BIRC6: variants seen among roughly 807,000 people sequenced by gnomAD.
BIRC6 encodes the protein dual E2 ubiquitin-conjugating enzyme/E3 ubiquitin-protein ligase BIRC6.
In BIRC6, 98 loss-of-function variants were observed where a neutral mutation model predicts 503.3. The ratio of observed to expected loss-of-function variants is 0.19; its 90% CI spans 0.17 to 0.23. The LOEUF is 0.23. Ranked by LOEUF, BIRC6 falls within the 10% of genes least tolerant of loss-of-function variation. The pLI is 1.00. For synonymous variants in BIRC6, 2,240 were observed against 2,078.7 expected (o/e 1.08, Z -2.11); for missense variants, 5,360 against 5,806.0 (o/e 0.92, Z 2.50).
chr2:32,500,768 G>A (rs544752872), intron 46 of BIRC6, among the ~76,000 whole-genome samples: 47 of 152,044 alleles, frequency 3.1e-4, no homozygotes, highest in Admixed American at 9.8e-4. Flanking sequence ...ACCAGGCCTG[G>A]CTGATTTTTT....
intron 66 of BIRC6, among the ~76,000 whole-genome samples, chr2:32,592,842 G>A (rs989357337): frequency 1.3e-5 from 2 of 151,976 alleles, no homozygotes; most frequent in Non-Finnish European, 1.5e-5. Flanking sequence ...TGTTCCACCC[G>A]CCTCAGCCTC....
intron 40 of BIRC6, among the ~76,000 whole-genome samples, 158 bp from the exon 41 acceptor site, chr2:32,487,487 TAA>T (rs1302639193): frequency 6.6e-6 from 1 of 152,230 alleles, no homozygotes; most frequent in East Asian, 1.9e-4. Context: ...AGTAATGTTA[TAA>T]AAACACGTTT....
In BIRC6 at chr2:32,525,993, TG is replaced by T. The variant is rs545459192; in HGVS notation, c.11920+367del. On this transcript the variant is annotated intron_variant, in intron 59 of 73. Coordinates refer to ENST00000421745, the MANE Select transcript of BIRC6 (RefSeq NM_016252.4). ...TCAAGCAGTAGAACTCTTAGACCACTGGTAGTTAAGCCATATGTTCTTCCCA... is the reference window on the plus strand; with the variant it reads ...TCAAGCAGTAGAACTCTTAGACCACTGTAGTTAAGCCATATGTTCTTCCCA... Among the ~76,000 whole-genome samples the T allele has an allele frequency of 3.9e-5, 6 of 152,166 alleles. No individual in the cohort carries two copies. The South Asian group carries it at 1.2e-3, about 32-fold the overall frequency.
In BIRC6 at chr2:32,509,981, C is replaced by T. The variant is rs1159520696; in HGVS notation, c.10224C>T (p.Gly3408=). 3.7e-6 allele frequency: 6 copies of T among 1,613,718 alleles called. No homozygotes were observed. The highest frequency in any genetic ancestry group is 5.1e-6 in the Non-Finnish European group (6 of 1,179,846). ...TCCTGAGAAATTGTGCAGCATCAGG[C>T]AGTGATCCTACAGGTGATAATTAAC... The part of the protein sequence containing the change: ...DILLRNCAAS[G]SDPTDLNSPL... Residue 3408 remains glycine (G), a synonymous_variant, in exon 52 of 74, where the codon GGC becomes GGT. Coordinates refer to ENST00000421745, the MANE Select transcript of BIRC6 (RefSeq NM_016252.4).
chr2:32,599,983 A>G, intron 70 of BIRC6, 83 bp downstream of exon 70: 3 of 1,346,256 alleles, frequency 2.2e-6, no homozygotes, highest in Non-Finnish European at 2.0e-6. Flanking sequence ...ATTTTGTTTT[A>G]GTTATCTGCT....
chr2:32,568,879 T>G (rs2059725378), intron 65 of BIRC6, among the ~76,000 whole-genome samples: 1 of 151,072 alleles, frequency 6.6e-6, no homozygotes, highest in Admixed American at 6.6e-5. Flanking sequence ...TTGCACATAG[T>G]GTGAAGTCTG....
chr2:32,572,975 A>G (rs867838748), intron 65 of BIRC6, among the ~76,000 whole-genome samples: 42 of 152,258 alleles, frequency 2.8e-4, no homozygotes, highest in African/African-American at 9.9e-4. Context: ...TAATCCCCAT[A>G]TAGCTCTGTG....
chr2:32,439,058 G>C (rs2045087295), intron 15 of BIRC6, among the ~76,000 whole-genome samples: 3 of 152,090 alleles, frequency 2.0e-5, no homozygotes, highest in Non-Finnish European at 4.4e-5. Flanking sequence ...TTAACCGTCA[G>C]TACTATAATG....
At chr2:32,580,645 A>T (rs1276740136) in intron 66 of BIRC6, among the ~76,000 whole-genome samples, 3 of 152,180 alleles carry the variant, frequency 2.0e-5, no homozygotes, top group Admixed American at 2.0e-4. Flanking sequence ...TTATAGAAAG[A>T]TGGTCTTCAG....
chr2:32,392,924 A>G lies in BIRC6; in HGVS notation c.951+774A>G, dbSNP rs546362793. Among the ~76,000 whole-genome samples, 14 of 152,186 alleles carry G rather than the reference A, an allele frequency of 9.2e-5. No individual in the cohort carries two copies. In the South Asian group the frequency reaches 1.9e-3, roughly 20 times the overall value. On this transcript the variant is annotated intron_variant, in intron 5 of 73. Coordinates refer to ENST00000421745, the MANE Select transcript of BIRC6 (RefSeq NM_016252.4). ...CCAAAGTGTTGGGATTATAAGTGTG[A>G]GACACTGTGCTAGGCCATAATTTTT...
rs753875021 is a variant in BIRC6 at position 32,599,906 on chromosome 2, T to C, written c.13992+6T>C. On this transcript the variant is annotated splice_donor_region_variant and intron_variant, in intron 70 of 73. Coordinates refer to ENST00000421745, the MANE Select transcript of BIRC6 (RefSeq NM_016252.4). ...ACCTTTATAATGATGGCAAGGTAAA[T>C]TAATTGCAATTTTTTGTTTCAAATG... The C allele has an allele frequency of 6.2e-7, 1 of 1,608,644 alleles. No homozygotes were observed. The highest frequency in any genetic ancestry group is 8.5e-7 in the Non-Finnish European group (1 of 1,177,444).
Position 32,438,403 on chromosome 2 carries a change from G to C in BIRC6, c.3632-1105G>C, listed in dbSNP as rs548666912. Among the ~76,000 whole-genome samples the C allele has an allele frequency of 1.6e-3, 238 of 152,234 alleles. 4 individuals are homozygous for C. Among genetic ancestry groups the C allele is most frequent in the Middle Eastern group, 0.014 (4 of 294 alleles). ...AGTGATAGCATTTATAATCATGAAA[G>C]ATTTAATACCTGGTAATGCAACAAT... On this transcript the variant is annotated intron_variant, in intron 15 of 73. Coordinates refer to ENST00000421745, the MANE Select transcript of BIRC6 (RefSeq NM_016252.4).
At chr2:32,478,098 C>T (rs149340893) in intron 35 of BIRC6, among the ~76,000 whole-genome samples, 251 of 151,962 alleles carry the variant, frequency 1.7e-3, no homozygotes, top group African/African-American at 5.4e-3. Context: ...CCCAACACTT[C>T]GGGAGGCGGA....
intron 37 of BIRC6, among the ~76,000 whole-genome samples, chr2:32,480,749 C>T (rs1001868504): frequency 2.1e-5 from 3 of 145,674 alleles, no homozygotes; most frequent in Middle Eastern, 3.7e-3. Flanking sequence ...TCAAGCGATT[C>T]TCCTGCTTCA....
intron 1 of BIRC6, among the ~76,000 whole-genome samples, chr2:32,373,010 T>C (rs1450365004): frequency 6.6e-6 from 1 of 152,238 alleles, no homozygotes; most frequent in Non-Finnish European, 1.5e-5. Context: ...TGTTTAACTT[T>C]GTAAGAAACT....
At chr2:32,524,293 A>C (rs561189884) in intron 57 of BIRC6, among the ~76,000 whole-genome samples, 1 of 152,216 alleles carries the variant, frequency 6.6e-6, no homozygotes, top group African/African-American at 2.4e-5. Flanking sequence ...ATTTTAAAAC[A>C]TATTACTTTG....
chr2:32,531,648 G>C, intron 61 of BIRC6, 97 bp downstream of exon 61: 1 of 1,077,654 alleles, frequency 9.3e-7, no homozygotes, highest in Non-Finnish European at 1.3e-6. Flanking sequence ...TAACTTTGTA[G>C]AAATACCCTT....
chr2:32,493,549 A>G lies in BIRC6; in HGVS notation c.8350A>G (p.Thr2784Ala). The change falls in exon 45 of 74, where the codon ACA becomes GCA. Residue 2784 changes from threonine to alanine, a missense_variant. Coordinates refer to ENST00000421745, the MANE Select transcript of BIRC6 (RefSeq NM_016252.4). The part of the protein sequence containing the change: ...TNQHSPQVGP[T>A]ATQAMQEFLT... ...ATACATTTCTCTTTAGGTTGGTCCT[A>G]CAGCTACACAAGCTATGCAAGAATT... 6.2e-7 allele frequency: 1 copy of G among 1,609,170 alleles called. No individual in the cohort carries two copies. Among genetic ancestry groups the G allele is most frequent in the East Asian group, 2.2e-5 (1 of 44,724 alleles).
At chr2:32,358,039 G>A (rs2033420981) in intron 1 of BIRC6, among the ~76,000 whole-genome samples, 1 of 19,934 alleles carries the variant, frequency 5.0e-5, no homozygotes, top group African/African-American at 2.6e-4. Flanking sequence ...GGGTGGGGGT[G>A]GGGTGGGGGT....
Sources: gnomAD v4.1 joint callset for allele counts (sites outside exome capture counted in the v4.1 genomes callset) on GRCh38, gnomAD v4.1.1 for gene constraint, MANE v1.5 for transcripts, NCBI Gene and HGNC (gene_info 2026-07-23, HGNC 2026-07-21) for gene names.